Variants in RNF130 observed in about 807,000 individuals in gnomAD.
RNF130 encodes E3 ubiquitin-protein ligase RNF130.
Under a neutral mutation model 44.6 loss-of-function variants are expected in RNF130, and 21 were observed. The ratio of observed to expected loss-of-function variants is 0.47; its 90% CI spans 0.33 to 0.68. RNF130 has a LOEUF of 0.68. Ranked by LOEUF, RNF130 falls within the 30% of genes least tolerant of loss-of-function variation. RNF130 has a pLI of 0.02. For synonymous variants in RNF130, 214 were observed against 210.4 expected (o/e 1.02, Z -0.15); for missense variants, 479 against 560.6 (o/e 0.85, Z 1.47).
At chr5:180,004,890 T>C (rs968077259) in intron 3 of RNF130, among the ~76,000 whole-genome samples, 2 of 152,360 alleles carry the variant, frequency 1.3e-5, no homozygotes, top group African/African-American at 4.8e-5. Context: ...AAGTGCCTTG[T>C]AGTCTGCACC....
intron 2 of RNF130, among the ~76,000 whole-genome samples, chr5:180,027,400 A>C (rs778616189): frequency 6.6e-6 from 1 of 152,200 alleles, no homozygotes; most frequent in Non-Finnish European, 1.5e-5. Context: ...TATAAGCAGA[A>C]ACAGAAAGGC....
rs117633083 is a variant in RNF130 at position 179,957,696 on chromosome 5, T to C, written c.1245-2027A>G. The stretch of plus-strand genomic sequence containing the variant: ...AATCCCTCGAAGCCCTACTTTATTC[T>C]TTTGTGTACATATATCTCACACTCA... On this transcript the variant is annotated intron_variant, in intron 8 of 8. Transcript: ENST00000521389. 1.0e-3 allele frequency among the ~76,000 whole-genome samples: 153 copies of C among 152,288 alleles called. 3 individuals are homozygous for C. In the East Asian group the frequency reaches 0.025, roughly 25 times the overall value.
At chr5:179,934,602 A>G (rs1399554262) in intron 7 of RNF130, among the ~76,000 whole-genome samples, 1 of 147,940 alleles carries the variant, frequency 6.8e-6, no homozygotes, top group Non-Finnish European at 1.5e-5. Flanking sequence ...GCTGGAGTAC[A>G]GTGGCAAGAT....
chr5:179,974,240 C>T (rs1350220419), intron 5 of RNF130, among the ~76,000 whole-genome samples: 1 of 152,170 alleles, frequency 6.6e-6, no homozygotes, highest in Admixed American at 6.5e-5. Flanking sequence ...GCGGCCGGCC[C>T]CCCGCTTTAG....
chr5:179,983,125 TC>T (rs903588741), intron 3 of RNF130, among the ~76,000 whole-genome samples: 8 of 152,216 alleles, frequency 5.3e-5, no homozygotes, highest in Non-Finnish European at 1.2e-4. Flanking sequence ...TGCATGTATT[TC>T]CCCTCACTTT....
Position 179,940,766 on chromosome 5 carries a change from T to A in RNF130, c.1151-20340A>T, listed in dbSNP as rs147277786. ...ATGTCTTTTGTCAGGTTTGAAAAAT[T>A]GTGTCATTATCTCTTCAAATACTGC... On this transcript the variant is annotated intron_variant, in intron 7 of 7. Coordinates refer to the RNF130 transcript ENST00000522208. Among the ~76,000 whole-genome samples the A allele has an allele frequency of 9.8e-4, 149 of 152,242 alleles. 1 individual carries two copies. The highest frequency in any genetic ancestry group is 2.0e-3 in the Admixed American group (30 of 15,296).
At chr5:179,968,667 T>TAAA (rs35941932) in intron 6 of RNF130, among the ~76,000 whole-genome samples, 27 of 68,048 alleles carry the variant, frequency 4.0e-4, no homozygotes, top group African/African-American at 5.5e-4. Context: ...CTCTGTCTCA[T>TAAA]AAAAAAAAAA....
At chr5:179,920,560 A>G (rs1761614216) in intron 7 of RNF130, 10 of 585,462 alleles carry the variant, frequency 1.7e-5, no homozygotes, top group Admixed American at 8.4e-5. Context: ...GGCTCTTATT[A>G]GAGAGATACA....
At chr5:179,928,715 G>GCC (rs1396279924) in intron 7 of RNF130, among the ~76,000 whole-genome samples, 7 of 148,458 alleles carry the variant, frequency 4.7e-5, no homozygotes, top group African/African-American at 1.7e-4. Flanking sequence ...TGCAAGCCCC[G>GCC]CCTCCTGGGT....
intron 2 of RNF130, among the ~76,000 whole-genome samples, chr5:180,014,102 C>G (rs545417045): frequency 7.6e-4 from 116 of 152,342 alleles, no homozygotes; most frequent in Non-Finnish European, 1.4e-3. Flanking sequence ...CAGCCTCTAA[C>G]AGTTGTCCAG....
intron 7 of RNF130, among the ~76,000 whole-genome samples, chr5:179,941,648 T>C (rs1420596938): frequency 6.6e-6 from 1 of 152,258 alleles, no homozygotes; most frequent in East Asian, 1.9e-4. Flanking sequence ...ACTGGATTCA[T>C]ATCTCTGTAC....
In RNF130 at chr5:180,016,603, T is replaced by C. The variant is rs547415131; in HGVS notation, c.443-3292A>G. On this transcript the variant is annotated intron_variant, in intron 2 of 8. Transcript: ENST00000521389. ...CCAGTGAAAGCCCATCTGTGATCCC[T>C]GCTTCCAACTATTTTCTTGAGAAAC... Among the ~76,000 whole-genome samples, 11 of 152,358 alleles carry C rather than the reference T, an allele frequency of 7.2e-5. No individual in the cohort carries two copies. The East Asian group carries it at 1.5e-3, about 21-fold the overall frequency.
At chr5:180,023,575 T>C (rs1297556818) in intron 2 of RNF130, among the ~76,000 whole-genome samples, 3 of 152,054 alleles carry the variant, frequency 2.0e-5, no homozygotes, top group Admixed American at 6.5e-5. Flanking sequence ...CCCACAACAA[T>C]GGAGGCATGT....
intron 7 of RNF130, among the ~76,000 whole-genome samples, chr5:179,939,144 G>C (rs534943269): frequency 6.6e-6 from 1 of 152,116 alleles, no homozygotes; most frequent in East Asian, 1.9e-4. Flanking sequence ...TTGAACTCGG[G>C]AGGCAGAGGT....
At chr5:180,022,435 T>A (rs954843748) in intron 2 of RNF130, among the ~76,000 whole-genome samples, 3 of 152,358 alleles carry the variant, frequency 2.0e-5, no homozygotes, top group African/African-American at 7.2e-5. Flanking sequence ...AGAGCTTTCC[T>A]AACTTATTCT....
In RNF130 at chr5:180,071,599, T is replaced by C. The variant is rs1340294423; in HGVS notation, c.104A>G (p.Tyr35Cys). Residue 35 changes from tyrosine to cysteine, a missense_variant, in exon 1 of 9, where the codon TAC (tyrosine) becomes TGC (cysteine). Physicochemically the swap from Tyr to Cys is radical, Grantham distance 194. This residue lies in a region of RNF130 where 138 missense variants were observed against 126.9 expected (regional missense o/e 1.09). Transcript: ENST00000521389. ...CACCGTCACGTTGATGAGCGCCGTG[T>C]AGTACTCCTGGCTCGCGTTGTCTGC... ...ARADNASQEY[Y>C]TALINVTVQE... 2.3e-5 allele frequency: 35 copies of C among 1,507,990 alleles called. No individual in the cohort carries two copies. Among genetic ancestry groups the C allele is most frequent in the Middle Eastern group, 1.7e-4 (1 of 5,732 alleles). 93.4% of individuals were successfully genotyped at this position (1,507,990 alleles called of 1,614,324 possible).
chr5:179,927,811 C>T (rs927838831), intron 7 of RNF130, among the ~76,000 whole-genome samples: 3 of 151,994 alleles, frequency 2.0e-5, no homozygotes, highest in Admixed American at 6.6e-5. Flanking sequence ...AGGATGGTCT[C>T]GATCTCCTGA....
intron 3 of RNF130, among the ~76,000 whole-genome samples, chr5:179,986,272 T>G (rs1762949849): frequency 6.6e-6 from 1 of 152,226 alleles, no homozygotes; most frequent in Non-Finnish European, 1.5e-5. Context: ...AATGATATGC[T>G]AAGTCATTCT....
At chr5:179,968,285 A>G (rs1762495765) in intron 6 of RNF130, among the ~76,000 whole-genome samples, 2 of 151,456 alleles carry the variant, frequency 1.3e-5, no homozygotes, top group South Asian at 4.2e-4. Context: ...ACAGAGCAAG[A>G]CTGTCTCAAA....
Sources: gnomAD v4.1 joint callset for allele counts (sites outside exome capture counted in the v4.1 genomes callset) on GRCh38, gnomAD v4.1.1 for gene constraint, gnomAD v4.1.1 regional missense constraint, MANE v1.5 for transcripts, NCBI Gene and HGNC (gene_info 2026-07-23, HGNC 2026-07-21) for gene names.